The following ARAP1 variants were observed in gnomAD, a reference collection of about 807,000 sequenced individuals.
ARAP1 encodes the protein arf-GAP with Rho-GAP domain, ANK repeat and PH domain-containing protein 1.
Under a neutral mutation model 172.2 loss-of-function variants are expected in ARAP1, and 76 were observed. That is an observed-to-expected ratio of 0.44 (90% CI 0.37 to 0.53). The LOEUF (loss-of-function observed/expected upper bound fraction) is 0.53, where lower values mean the gene tolerates loss of function less well. ARAP1 is among the 20% of genes least tolerant of loss of function. ARAP1 has a pLI of 0.00. For missense variants in ARAP1, 1,686 were observed against 1,977.5 expected, an observed-to-expected ratio of 0.85 and a Z score of 2.80; for synonymous variants, 804 against 803.3, an observed-to-expected ratio of 1.00 and a Z score of -0.01.
chr11:72,711,549 G>A, intron 7 of ARAP1, 50 bp from the exon 8 acceptor site: 2 of 1,510,108 alleles, frequency 1.3e-6, no homozygotes, highest in Non-Finnish European at 1.8e-6. Flanking sequence ...AGGAGGACAG[G>A]TTCCAGGACC....
chr11:72,691,301 T>G (rs1216258069), intron 30 of ARAP1, among the ~76,000 whole-genome samples: 2 of 152,186 alleles, frequency 1.3e-5, no homozygotes, highest in African/African-American at 4.8e-5. Flanking sequence ...ACATTAGATC[T>G]CATCCCTTTT....
intron 1 of ARAP1, among the ~76,000 whole-genome samples, chr11:72,745,818 C>T (rs574324270): frequency 1.3e-5 from 2 of 152,234 alleles, no homozygotes; most frequent in South Asian, 4.1e-4. Context: ...CCTGGCTGGG[C>T]TCCTGGCTGG....
intron 1 of ARAP1, among the ~76,000 whole-genome samples, chr11:72,750,427 T>C (rs984197644): frequency 1.3e-5 from 2 of 151,868 alleles, no homozygotes; most frequent in South Asian, 2.1e-4. Context: ...TGGAAGGGAC[T>C]CCCCACCTCC....
intron 33 of ARAP1, chr11:72,687,217 C>T (rs1855729463): frequency 3.3e-6 from 2 of 607,566 alleles, no homozygotes; most frequent in Non-Finnish European, 5.8e-6. Context: ...GCCCCAAGGG[C>T]AGGGTCTGTG....
intron 1 of ARAP1, among the ~76,000 whole-genome samples, chr11:72,745,166 C>T (rs1858316259): frequency 6.6e-6 from 1 of 150,962 alleles, no homozygotes; most frequent in Non-Finnish European, 1.5e-5. Context: ...ACCCACACAG[C>T]AGCCCAAGTT....
intron 1 of ARAP1, among the ~76,000 whole-genome samples, chr11:72,743,667 A>G (rs1858271019): frequency 6.6e-6 from 1 of 152,102 alleles, no homozygotes; most frequent in African/African-American, 2.4e-5. Context: ...CCTCCATGGC[A>G]AGGCCTGTCC....
chr11:72,748,760 G>A (rs1858447543), intron 1 of ARAP1, among the ~76,000 whole-genome samples: 1 of 152,182 alleles, frequency 6.6e-6, no homozygotes, highest in African/African-American at 2.4e-5. Flanking sequence ...CTCCAGGTGG[G>A]ACTGTCCTCC....
intron 3 of ARAP1, among the ~76,000 whole-genome samples, chr11:72,721,535 A>G (rs1369543934): frequency 6.6e-6 from 1 of 152,168 alleles, no homozygotes; most frequent in Non-Finnish European, 1.5e-5. Context: ...TCTGTGGGGC[A>G]GAGTCTGAGA....
rs568197391 is a variant in ARAP1, at chr11:72,740,358, C to T, written c.-127-7761G>A. ...ACCAAGGGACAGTAGGCATTGCTGA[C>T]CCCACTTTCAGGCCTCACGCTAACT... On this transcript the variant is annotated intron_variant, in intron 1 of 34. Transcript: ENST00000393609. Among the ~76,000 whole-genome samples, 7 of 152,300 alleles carry T rather than the reference C, an allele frequency of 4.6e-5. No individual in the cohort carries two copies. In the South Asian group the frequency reaches 1.5e-3, roughly 32 times the overall value.
At chr11:72,714,043 G>A in intron 4 of ARAP1, 109 bp downstream of exon 4, 1 of 1,233,622 alleles carries the variant, frequency 8.1e-7, no homozygotes, top group Non-Finnish European at 1.1e-6. Flanking sequence ...GTGGGCTGGT[G>A]GCAGGCTTGC....
Position 72,726,896 on chromosome 11 carries a change from G to T in ARAP1, c.233C>A (p.Thr78Asn), listed in dbSNP as rs1157827700. The change falls in exon 3 of 35, where the codon ACC becomes AAC. Residue 78 changes from threonine to asparagine, a missense_variant. By Grantham distance (65) the Thr-to-Asn change is moderately conservative. This residue lies in a region of ARAP1 where 190 missense variants were observed against 228.6 expected (regional missense o/e 0.83). Transcript: ENST00000393609. This position sits in a 1 kb window ranked among gnomAD's most constrained non-coding sequence, Gnocchi z 6.5. Reference protein sequence around the residue: ...HTSPAPAPRPTPRPVPMKRHI... With the variant: ...HTSPAPAPRPNPRPVPMKRHI... ...GCGCTTCATGGGCACAGGCCGTGGG[G>T]TGGGGCGGGGTGCAGGGGCCGGTGA... 5 of 1,582,910 alleles carry T rather than the reference G, an allele frequency of 3.2e-6. No homozygotes were observed. The highest frequency in any genetic ancestry group is 4.3e-6 in the Non-Finnish European group (5 of 1,164,436).
rs201682078 is a variant in ARAP1 at position 72,701,663 on chromosome 11, C to A, written c.2288G>T (p.Arg763Leu). 14 of 1,613,130 alleles carry A rather than the reference C, an allele frequency of 8.7e-6. No homozygotes were observed. The highest frequency in any genetic ancestry group is 1.2e-5 in the Non-Finnish European group (14 of 1,179,642). Reference sequence around the variant, plus strand: ...GTGGCACCCACCTTCCCGGGCCCGGCGGTCCTGTAGCAGCTTGCCGGCAGA... The same window carrying A: ...GTGGCACCCACCTTCCCGGGCCCGGAGGTCCTGTAGCAGCTTGCCGGCAGA... ...TASAGKLLQD[R>L]RAREEFSRRW... Residue 763 changes from arginine to leucine, a missense_variant, in exon 16 of 35, where the codon CGC becomes CTC. Arg to Leu is a moderately radical substitution (Grantham distance 102). This residue lies in a region of ARAP1 where 688 missense variants were observed against 856.9 expected (regional missense o/e 0.80). Transcript: ENST00000393609.
chr11:72,695,159 G>A lies in ARAP1; in HGVS notation c.3577-62C>T, dbSNP rs768491661. 4.7e-5 allele frequency: 73 copies of A among 1,546,368 alleles called. No homozygotes were observed. Among genetic ancestry groups the A allele is most frequent in the Non-Finnish European group, 6.4e-5 (72 of 1,124,344 alleles). On this transcript the variant is annotated intron_variant, in intron 26 of 34. Transcript: ENST00000393609. The surrounding 1 kb of genome is among the most constrained non-coding windows in gnomAD (Gnocchi z 4.4). ...CTAGCCCCTGCTCTGCCACAACCTT[G>A]CTATGTGACTCAGAGCCTGAGCCCA...
In ARAP1 at chr11:72,686,373, C is replaced by T. The variant is rs552319393; in HGVS notation, c.4186-182G>A. On this transcript the variant is annotated intron_variant, in intron 33 of 34. Coordinates refer to ENST00000393609, the MANE Select transcript of ARAP1 (RefSeq NM_001040118.3). ...ACATGACTGCATCTCTGGCAAAACA[C>T]GGCCAGTTCTGTTACTCAACAACTC... Among the ~76,000 whole-genome samples the T allele has an allele frequency of 5.3e-5, 8 of 152,322 alleles. No individual in the cohort carries two copies. In the East Asian group the frequency reaches 7.7e-4, roughly 15 times the overall value.
intron 22 of ARAP1, 34 bp downstream of exon 22, chr11:72,696,949 G>A: frequency 3.2e-6 from 5 of 1,581,432 alleles, no homozygotes; most frequent in Non-Finnish European, 4.3e-6. Flanking sequence ...ATGGGTGGAG[G>A]AGGAGGAGGC....
chr11:72,695,379 G>C lies in ARAP1; in HGVS notation c.3576+8C>G. 1.9e-6 allele frequency: 3 copies of C among 1,614,152 alleles called. No individual in the cohort carries two copies. Among genetic ancestry groups the C allele is most frequent in the Non-Finnish European group, 2.5e-6 (3 of 1,180,026 alleles). On this transcript the variant is annotated splice_region_variant and intron_variant, in intron 26 of 34. Transcript: ENST00000393609. This position sits in a 1 kb window ranked among gnomAD's most constrained non-coding sequence, Gnocchi z 4.4. ...CTAGCCCCTTGGCTTCTAGGTCCCA[G>C]CACCTACCTTGATATGCTGCTCAGT...
At chr11:72,703,407 C>T (rs1220010643) in intron 14 of ARAP1, 5 of 58,168 alleles carry the variant, frequency 8.6e-5, no homozygotes, top group Non-Finnish European at 1.6e-4. Flanking sequence ...TGTGGAGGAG[C>T]CGGGGGGGGG....
chr11:72,750,275 G>A (rs1858494118), intron 1 of ARAP1, among the ~76,000 whole-genome samples: 2 of 152,282 alleles, frequency 1.3e-5, no homozygotes, highest in Middle Eastern at 3.4e-3. Flanking sequence ...CAGGGTCAGC[G>A]CTGGACAGGC....
rs1856649655 is a variant in ARAP1 at position 72,704,198 on chromosome 11, T to A, written c.1946A>T (p.Tyr649Phe). Residue 649 changes from tyrosine to phenylalanine, a missense_variant, in exon 14 of 35, where the codon TAC (tyrosine) becomes TTC (phenylalanine). This residue lies in a region of ARAP1 where 688 missense variants were observed against 856.9 expected (regional missense o/e 0.80). Coordinates refer to ENST00000393609, the MANE Select transcript of ARAP1 (RefSeq NM_001040118.3). ...HLEAKYREGK[Y>F]RRYHPLFGNQ... ...GCCAAAGAGCGGGTGGTAGCGGCGG[T>A]ACTTGCCCTCACGGTACTTGGCCTC... 6.2e-7 allele frequency: 1 copy of A among 1,613,732 alleles called. No individual in the cohort carries two copies.
Sources: allele counts gnomAD v4.1 joint callset (sites outside exome capture counted in the v4.1 genomes callset), GRCh38; gene constraint gnomAD v4.1.1; regional missense constraint gnomAD v4.1.1; non-coding constraint Gnocchi (gnomAD v3.1); transcripts MANE v1.5; gene names NCBI Gene and HGNC (gene_info 2026-07-23, HGNC 2026-07-21).